Variants in SGCD observed in about 807,000 individuals in gnomAD.
SGCD encodes the protein delta-sarcoglycan.
SGCD carries 18 observed loss-of-function variants against 36.6 expected under a neutral mutation model. That is an observed-to-expected ratio of 0.49 (90% CI 0.34 to 0.73). The LOEUF (loss-of-function observed/expected upper bound fraction) is 0.73. SGCD is among the 30% of genes least tolerant of loss of function. SGCD has a pLI of 0.01. For missense variants in SGCD, 387 were observed against 346.7 expected, an observed-to-expected ratio of 1.12 and a Z score of -0.92; for synonymous variants, 133 against 130.6, an observed-to-expected ratio of 1.02 and a Z score of -0.12.
At chr5:155,915,228 A>T (rs1175404729) in intron 1 of SGCD, among the ~76,000 whole-genome samples, 1 of 152,146 alleles carries the variant, frequency 6.6e-6, no homozygotes, top group Non-Finnish European at 1.5e-5. Context: ...CCCCAACCTC[A>T]GGAAATTTTT....
At chr5:156,157,196 A>C (rs1178101713) in intron 3 of SGCD, among the ~76,000 whole-genome samples, 11 of 151,750 alleles carry the variant, frequency 7.2e-5, no homozygotes, top group Non-Finnish European at 2.9e-5. Flanking sequence ...AAAAGTAACT[A>C]AAACAGCAAA....
intron 1 of SGCD, among the ~76,000 whole-genome samples, chr5:156,083,177 G>C (rs192267955): frequency 6.6e-6 from 1 of 151,374 alleles, no homozygotes; most frequent in African/African-American, 2.4e-5. Flanking sequence ...TAGTTTCATT[G>C]GATTGTTGTT....
intron 4 of SGCD, among the ~76,000 whole-genome samples, chr5:156,559,044 G>A (rs1224018344): frequency 6.6e-6 from 1 of 152,184 alleles, no homozygotes; most frequent in Non-Finnish European, 1.5e-5. Flanking sequence ...TCTGAGAGAT[G>A]TGAGTTGAAC....
chr5:156,392,800 C>T (rs1771647474), intron 3 of SGCD, among the ~76,000 whole-genome samples: 1 of 152,152 alleles, frequency 6.6e-6, no homozygotes, highest in African/African-American at 2.4e-5. Context: ...ACTGCCCCAG[C>T]CAAACTTTGG....
intron 6 of SGCD, among the ~76,000 whole-genome samples, chr5:156,645,253 T>C (rs1360142577): frequency 1.3e-5 from 2 of 152,184 alleles, no homozygotes; most frequent in Admixed American, 6.6e-5. Context: ...ATGGTTTTAA[T>C]AGAAACCTTT....
intron 2 of SGCD, among the ~76,000 whole-genome samples, chr5:156,121,586 G>A (rs971822128): frequency 2.0e-5 from 3 of 152,028 alleles, no homozygotes; most frequent in Non-Finnish European, 2.9e-5. Context: ...GATCTTCAAA[G>A]GTATTTATGT....
chr5:156,266,169 T>C (rs1392182331), intron 3 of SGCD, among the ~76,000 whole-genome samples: 2 of 152,298 alleles, frequency 1.3e-5, no homozygotes, highest in East Asian at 3.9e-4. Flanking sequence ...AAATTTTAAA[T>C]TGGAAAAAAG....
the SGCD span, among the ~76,000 whole-genome samples, chr5:155,826,880 G>T: frequency 1.3e-5 from 2 of 152,212 alleles, no homozygotes; most frequent in Non-Finnish European, 2.9e-5. Context: ...GCTACAACCA[G>T]TCTGCAGGAT....
At position 156,277,859 on chromosome 5, in the gene SGCD, G is replaced by T. The variant is rs142672438; in HGVS notation, c.-43-51675G>T. ...ATCTCATACTTGCTATGGATGAGTC[G>T]CTGAGTTGTCACCAGACATAAACAA... On this transcript the variant is annotated intron_variant, in intron 3 of 9. Transcript: ENST00000517913. 1.3e-3 allele frequency among the ~76,000 whole-genome samples: 195 copies of T among 152,248 alleles called. 2 individuals are homozygous for T. Among genetic ancestry groups the T allele is most frequent in the Non-Finnish European group, 2.1e-3 (144 of 68,028 alleles).
intron 4 of SGCD, among the ~76,000 whole-genome samples, chr5:156,584,339 A>G (rs1167195882): frequency 6.6e-6 from 1 of 152,196 alleles, no homozygotes; most frequent in African/African-American, 2.4e-5. Flanking sequence ...GTTCACTGCA[A>G]ACGTTGAGAC....
At chr5:156,097,729 C>A (rs1212722126) in intron 1 of SGCD, among the ~76,000 whole-genome samples, 4 of 152,056 alleles carry the variant, frequency 2.6e-5, no homozygotes, top group Non-Finnish European at 4.4e-5. Context: ...AGTTGATTAT[C>A]TTTTCTTATT....
In SGCD at chr5:156,463,532, T is replaced by A. The variant is rs531842184; in HGVS notation, c.193-45069T>A. ...TAAATTAATCTCAAGAGGGAATGTT[T>A]TTTGTTGAAATTAGTGTGGTGTTTT... On this transcript the variant is annotated intron_variant, in intron 3 of 8. Transcript: ENST00000337851. Among the ~76,000 whole-genome samples the A allele has an allele frequency of 5.7e-4, 87 of 152,258 alleles. 2 individuals are homozygous for A. In the South Asian group the frequency reaches 0.018, roughly 31 times the overall value.
At chr5:156,299,251 G>C (rs1320071441) in intron 3 of SGCD, among the ~76,000 whole-genome samples, 1 of 152,086 alleles carries the variant, frequency 6.6e-6, no homozygotes, top group Admixed American at 6.5e-5. Flanking sequence ...GTTCACTGTA[G>C]ATGCATGGAT....
chr5:155,976,778 C>T (rs1581022869), intron 1 of SGCD, among the ~76,000 whole-genome samples: 1 of 151,916 alleles, frequency 6.6e-6, no homozygotes, highest in Non-Finnish European at 1.5e-5. Flanking sequence ...TCCTGGACAC[C>T]GCCTTTTACC....
chr5:156,369,457 G>C (rs1231211897), intron 3 of SGCD, among the ~76,000 whole-genome samples: 1 of 152,194 alleles, frequency 6.6e-6, no homozygotes, highest in Non-Finnish European at 1.5e-5. Context: ...TAGACTAATA[G>C]TTGGCCAGTT....
chr5:155,888,382 A>G (rs1393935566), intron 1 of SGCD, among the ~76,000 whole-genome samples: 1 of 152,226 alleles, frequency 6.6e-6, no homozygotes, highest in Admixed American at 6.5e-5. Context: ...TAGGAGGAGA[A>G]ATATCTTTTA....
intron 3 of SGCD, among the ~76,000 whole-genome samples, chr5:156,488,124 T>TAA (rs1554107903): frequency 3.1e-5 from 4 of 130,594 alleles, no homozygotes; most frequent in African/African-American, 1.1e-4. Context: ...TTTTTTTTTT[T>TAA]AAATAACCCA....
At chr5:156,082,898 T>C (rs916333521) in intron 1 of SGCD, among the ~76,000 whole-genome samples, 3 of 152,214 alleles carry the variant, frequency 2.0e-5, no homozygotes, top group African/African-American at 7.2e-5. Context: ...TGTGATCCAG[T>C]TCTTTGTCAT....
the SGCD span, among the ~76,000 whole-genome samples, chr5:155,796,806 C>CGAAAAAAAA: frequency 1.9e-5 from 1 of 51,324 alleles, no homozygotes; most frequent in Non-Finnish European, 3.6e-5. Context: ...AACTCCATCT[C>CGAAAAAAAA]AAAAAAAAAA....
Sources: gnomAD v4.1 joint callset for allele counts (sites outside exome capture counted in the v4.1 genomes callset) on GRCh38, gnomAD v4.1.1 for gene constraint, MANE v1.5 for transcripts, NCBI Gene and HGNC (gene_info 2026-07-23, HGNC 2026-07-21) for gene names.